BCKDHA: variants seen among roughly 807,000 people sequenced by gnomAD.
The protein encoded by BCKDHA is 2-oxoisovalerate dehydrogenase subunit alpha, mitochondrial.
In BCKDHA, 43 loss-of-function variants were observed where a neutral mutation model predicts 52.2. The ratio of observed to expected loss-of-function variants is 0.82; its 90% CI spans 0.64 to 1.06. The LOEUF (loss-of-function observed/expected upper bound fraction) is 1.06, where lower values mean the gene tolerates loss of function less well. Among genes scored for constraint, BCKDHA ranks in the 50% least tolerant of loss-of-function variants. The pLI is 0.00. For synonymous variants in BCKDHA, 234 were observed against 247.9 expected, an observed-to-expected ratio of 0.94 and a Z score of 0.53; for missense variants, 527 against 621.3, an observed-to-expected ratio of 0.85 and a Z score of 1.61.
intron 3 of BCKDHA, among the ~76,000 whole-genome samples, chr19:41,412,011 C>T (rs547230447): frequency 1.2e-4 from 18 of 152,212 alleles, no homozygotes; most frequent in Non-Finnish European, 1.8e-4. Flanking sequence ...CGCCGAGCCG[C>T]GAGGAGCTCT....
At chr19:41,404,715 T>A (rs2039174763) in intron 1 of BCKDHA, among the ~76,000 whole-genome samples, 1 of 152,100 alleles carries the variant, frequency 6.6e-6, no homozygotes. Flanking sequence ...TGCCTCAGCC[T>A]CCTGAGTAGC....
intron 3 of BCKDHA, among the ~76,000 whole-genome samples, chr19:41,413,338 AG>A (rs143962293): frequency 0.034 from 5,157 of 152,240 alleles, 282 homozygotes; most frequent in African/African-American, 0.12. Context: ...TGTCTTTTTG[AG>A]GCTCAGGTTA....
chr19:41,414,024 A>AC, intron 3 of BCKDHA, 25 bp from the exon 4 acceptor site: 1 of 1,596,662 alleles, frequency 6.3e-7, no homozygotes, highest in Non-Finnish European at 8.6e-7. Context: ...CAATTGTGGG[A>AC]CCCCGGTCCC....
intron 4 of BCKDHA, 148 bp from the exon 5 acceptor site, chr19:41,418,987 C>A: frequency 2.2e-6 from 2 of 914,754 alleles, no homozygotes; most frequent in South Asian, 1.5e-5. Context: ...CCTTGCTGGG[C>A]AGAGTCAGTC....
intron 4 of BCKDHA, among the ~76,000 whole-genome samples, chr19:41,416,347 A>C (rs2039307938): frequency 6.6e-6 from 1 of 152,210 alleles, no homozygotes; most frequent in African/African-American, 2.4e-5. Flanking sequence ...GGCAGGCCCC[A>C]GTGGTGTTGC....
At chr19:41,403,192 G>A (rs1173610993) in intron 1 of BCKDHA, among the ~76,000 whole-genome samples, 6 of 152,202 alleles carry the variant, frequency 3.9e-5, no homozygotes, top group African/African-American at 1.4e-4. Flanking sequence ...TCTGGGAAGG[G>A]GGACTCAACT....
chr19:41,422,489 T>G, intron 6 of BCKDHA, 119 bp downstream of exon 6: 5 of 1,568,908 alleles, frequency 3.2e-6, no homozygotes, highest in Non-Finnish European at 4.4e-6. Flanking sequence ...TCCTGTGGCG[T>G]CTGGCACTTG....
At chr19:41,398,216 G>T (rs1489478356) in intron 1 of BCKDHA, among the ~76,000 whole-genome samples, 1 of 152,140 alleles carries the variant, frequency 6.6e-6, no homozygotes, top group Non-Finnish European at 1.5e-5. Flanking sequence ...CTTATTAGCT[G>T]CCACTGGTAT....
chr19:41,421,441 T>C (rs921686420), intron 5 of BCKDHA, among the ~76,000 whole-genome samples: 4 of 114,504 alleles, frequency 3.5e-5, no homozygotes, highest in Non-Finnish European at 7.1e-5. Context: ...CACTGAAGTA[T>C]GGACCAGAGG....
chr19:41,418,385 C>T (rs1001509136), intron 4 of BCKDHA, among the ~76,000 whole-genome samples: 6 of 152,176 alleles, frequency 3.9e-5, no homozygotes, highest in Non-Finnish European at 7.3e-5. Flanking sequence ...CCCCCTTAAC[C>T]TGGAGCGGTT....
At chr19:41,411,793 C>G (rs1022296855) in intron 3 of BCKDHA, among the ~76,000 whole-genome samples, 3 of 152,212 alleles carry the variant, frequency 2.0e-5, no homozygotes, top group African/African-American at 7.2e-5. Flanking sequence ...GCCCCGAGTC[C>G]TGATCCTCAG....
Position 41,422,270 on chromosome 19 carries a change from C to G in BCKDHA, c.753C>G (p.Asn251Lys), listed in dbSNP as rs1321604339. Residue 251 changes from asparagine (N) to lysine (K), a missense_variant, in exon 6 of 9, where the codon AAC becomes AAG. Asn to Lys is a moderately conservative substitution (Grantham distance 94). Transcript: ENST00000269980. ...ASEGDAHAGFNFAATLECPII... is the reference protein window; with the variant it reads ...ASEGDAHAGFKFAATLECPII... ...AGGGGGACGCCCATGCCGGCTTCAA[C>G]TTCGCTGCCACACTTGAGTGCCCCA... 6.2e-7 allele frequency: 1 copy of G among 1,614,238 alleles called. No homozygotes were observed. Among genetic ancestry groups the G allele is most frequent in the Non-Finnish European group, 8.5e-7 (1 of 1,180,024 alleles).
chr19:41,418,492 T>G (rs2039329750), intron 4 of BCKDHA, among the ~76,000 whole-genome samples: 1 of 152,146 alleles, frequency 6.6e-6, no homozygotes. Flanking sequence ...GTCCAGAAGT[T>G]GTAAATTAGT....
chr19:41,405,290 T>A (rs142715633), intron 1 of BCKDHA, among the ~76,000 whole-genome samples: 20 of 151,984 alleles, frequency 1.3e-4, no homozygotes, highest in African/African-American at 4.6e-4. Context: ...TCTTTAAAAA[T>A]TTTTTCTTTT....
At chr19:41,398,050 A>G (rs1387281888) in intron 1 of BCKDHA, 115 bp downstream of exon 1, 5 of 840,488 alleles carry the variant, frequency 5.9e-6, no homozygotes, top group African/African-American at 1.7e-5. Context: ...AAAGGGAAAA[A>G]GAGTGGGAGA....
intron 4 of BCKDHA, among the ~76,000 whole-genome samples, chr19:41,415,750 G>A (rs1215739733): frequency 6.6e-6 from 1 of 151,604 alleles, no homozygotes; most frequent in Non-Finnish European, 1.5e-5. Context: ...CTGGGTTCAC[G>A]CCATTCTCCT....
At chr19:41,414,930 G>A (rs576133499) in intron 4 of BCKDHA, among the ~76,000 whole-genome samples, 19 of 152,250 alleles carry the variant, frequency 1.2e-4, no homozygotes, top group African/African-American at 4.1e-4. Context: ...TTCCTCATTC[G>A]TAAGGGGGAT....
chr19:41,424,018 G>C (rs1223337452), intron 8 of BCKDHA, among the ~76,000 whole-genome samples: 2 of 151,976 alleles, frequency 1.3e-5, no homozygotes, highest in Non-Finnish European at 2.9e-5. Context: ...CTGGTTTGAG[G>C]ATTAGGTGGC....
chr19:41,413,152 T>C (rs188959063), intron 3 of BCKDHA, among the ~76,000 whole-genome samples: 1 of 152,284 alleles, frequency 6.6e-6, no homozygotes. Flanking sequence ...CTGCTGCATG[T>C]CCAAGCTTCA....
Sources: allele counts gnomAD v4.1 joint callset (sites outside exome capture counted in the v4.1 genomes callset), GRCh38; gene constraint gnomAD v4.1.1; transcripts MANE v1.5; gene names NCBI Gene and HGNC (gene_info 2026-07-23, HGNC 2026-07-21).